The following ANO3 variants were observed in gnomAD, a reference collection of about 807,000 sequenced individuals.
ANO3 encodes anoctamin-3.
A neutral mutation model predicts 144.8 loss-of-function variants in ANO3; 99 were observed. The ratio of observed to expected loss-of-function variants is 0.68; its 90% CI spans 0.58 to 0.81. ANO3 has a LOEUF of 0.81. ANO3 is among the 30% of genes least tolerant of loss of function. The pLI, the probability that ANO3 is intolerant of heterozygous loss-of-function variation, is 0.00. For missense variants in ANO3, 905 were observed against 1,202.2 expected, an observed-to-expected ratio of 0.75 and a Z score of 3.66; for synonymous variants, 414 against 392.6, an observed-to-expected ratio of 1.05 and a Z score of -0.64.
chr11:26,554,913 G>C (rs1565100419), intron 13 of ANO3, among the ~76,000 whole-genome samples: 2 of 151,980 alleles, frequency 1.3e-5, no homozygotes, highest in South Asian at 4.2e-4. Context: ...TACATTTTGT[G>C]CATTTTGGGG....
intron 1 of ANO3, among the ~76,000 whole-genome samples, chr11:26,258,348 T>C (rs1281224347): frequency 6.6e-6 from 1 of 152,202 alleles, no homozygotes; most frequent in East Asian, 1.9e-4. Flanking sequence ...TAAGCAGTTA[T>C]ATTAGTCAAC....
chr11:26,565,514 G>A, intron 14 of ANO3: 2 of 1,613,336 alleles, frequency 1.2e-6, no homozygotes, highest in South Asian at 2.2e-5. Context: ...TAGAAACAAA[G>A]CTATGGATCA....
chr11:26,192,240 G>A (rs185518110), intron 1 of ANO3, among the ~76,000 whole-genome samples: 41 of 152,164 alleles, frequency 2.7e-4, no homozygotes, highest in African/African-American at 9.4e-4. Context: ...TGTATGCTAG[G>A]AATTTTTACC....
intron 1 of ANO3, among the ~76,000 whole-genome samples, chr11:26,358,568 TTACA>T (rs1483826901): frequency 6.6e-6 from 1 of 152,202 alleles, no homozygotes; most frequent in Non-Finnish European, 1.5e-5. Context: ...TTTTTTTTAC[TTACA>T]ATTATATTTT....
chr11:26,202,248 T>C (rs1851708942), intron 1 of ANO3, among the ~76,000 whole-genome samples: 1 of 145,980 alleles, frequency 6.9e-6, no homozygotes, highest in African/African-American at 2.5e-5. Context: ...TAAATATATA[T>C]TATATTATAT....
At chr11:26,577,524 A>G (rs542622818) in intron 14 of ANO3, among the ~76,000 whole-genome samples, 2 of 150,200 alleles carry the variant, frequency 1.3e-5, no homozygotes, top group South Asian at 4.2e-4. Context: ...AGATTGCGCC[A>G]TTACACTCCA....
intron 14 of ANO3, among the ~76,000 whole-genome samples, chr11:26,591,119 C>G (rs7940520): frequency 1.2e-4 from 18 of 152,064 alleles, no homozygotes; most frequent in African/African-American, 4.1e-4. Flanking sequence ...TTACAAGCCC[C>G]GTGTTTAAAG....
chr11:26,499,679 A>T lies in ANO3; in HGVS notation c.433-8425A>T, dbSNP rs148999935. ...TTATGTTGCCTATTCCTGCATGAAT[A>T]CCATATGTCCTGTTTAAGAAATATT... On this transcript the variant is annotated intron_variant, in intron 4 of 26. Transcript: ENST00000256737. Among the ~76,000 whole-genome samples the T allele has an allele frequency of 3.4e-3, 516 of 151,902 alleles. 3 individuals are homozygous for T. Among genetic ancestry groups the T allele is most frequent in the African/African-American group, 0.012 (493 of 41,524 alleles).
chr11:26,341,532 A>C (rs539037789), intron 1 of ANO3, among the ~76,000 whole-genome samples: 2 of 152,318 alleles, frequency 1.3e-5, no homozygotes, highest in African/African-American at 4.8e-5. Context: ...CATTTAATAA[A>C]AAGGAGAAAT....
chr11:26,306,845 C>A (rs1296000618), upstream of ANO3, among the ~76,000 whole-genome samples: 3 of 150,990 alleles, frequency 2.0e-5, no homozygotes, highest in African/African-American at 7.4e-5. Flanking sequence ...CTCCTTCTAT[C>A]TCTGTCTCTA....
intron 1 of ANO3, among the ~76,000 whole-genome samples, chr11:26,189,772 A>G (rs1361138047): frequency 1.3e-5 from 2 of 152,198 alleles, no homozygotes; most frequent in Non-Finnish European, 2.9e-5. Flanking sequence ...TGTTCTCATT[A>G]AGAACAAGAG....
At chr11:26,227,577 G>T (rs1221743001) in intron 1 of ANO3, among the ~76,000 whole-genome samples, 1 of 152,062 alleles carries the variant, frequency 6.6e-6, no homozygotes, top group African/African-American at 2.4e-5. Flanking sequence ...GTTGATATTG[G>T]GAAATCTCTT....
chr11:26,574,455 T>C (rs1030750519), intron 14 of ANO3, among the ~76,000 whole-genome samples: 3 of 152,166 alleles, frequency 2.0e-5, no homozygotes, highest in Non-Finnish European at 2.9e-5. Context: ...GATTCACTGA[T>C]AGCATATTTA....
rs117682795 is a variant in ANO3 at position 26,289,580 on chromosome 11, C to A, written c.155-20065C>A. 2.1e-4 allele frequency among the ~76,000 whole-genome samples: 19 copies of A among 89,420 alleles called. 1 individual carries two copies. The highest frequency in any genetic ancestry group is 3.5e-4 in the Non-Finnish European group (17 of 48,378). 58.7% of individuals were successfully genotyped at this position (89,420 alleles called of 152,430 possible). ...TGTATATGTACATATACACATATAT[C>A]CTATATGTGTGTATATGTACATATA... On this transcript the variant is annotated intron_variant, in intron 1 of 27. Transcript: ENST00000672621.
upstream of ANO3, among the ~76,000 whole-genome samples, chr11:26,308,651 A>G (rs920115927): frequency 6.6e-6 from 1 of 152,236 alleles, no homozygotes; most frequent in Non-Finnish European, 1.5e-5. Context: ...ACCTTGTTAA[A>G]TACAAGGTAC....
At chr11:26,648,034 A>G (rs940579661) in intron 24 of ANO3, among the ~76,000 whole-genome samples, 178 bp downstream of exon 24, 1 of 152,164 alleles carries the variant, frequency 6.6e-6, no homozygotes, top group African/African-American at 2.4e-5. Flanking sequence ...TATTATAGCA[A>G]ATAATCTTAG....
chr11:26,441,033 A>G (rs1030507532), intron 1 of ANO3, among the ~76,000 whole-genome samples: 3 of 146,822 alleles, frequency 2.0e-5, no homozygotes, highest in Non-Finnish European at 3.0e-5. Flanking sequence ...CTGGCAGATG[A>G]GACTCTGTGC....
At chr11:26,377,254 A>C (rs1856439079) in intron 1 of ANO3, among the ~76,000 whole-genome samples, 2 of 152,328 alleles carry the variant, frequency 1.3e-5, no homozygotes, top group South Asian at 4.1e-4. Context: ...TGCATTGGCA[A>C]AACTAAAAGT....
chr11:26,553,214 G>GTTTTTTTTTT, intron 12 of ANO3, 35 bp from the exon 13 acceptor site: 1 of 1,208,700 alleles, frequency 8.3e-7, no homozygotes, highest in Non-Finnish European at 1.2e-6. Context: ...TTCATGCTAT[G>GTTTTTTTTTT]TTTTGTTTTG....
Sources: gnomAD v4.1 joint callset for allele counts (sites outside exome capture counted in the v4.1 genomes callset) on GRCh38, gnomAD v4.1.1 for gene constraint, MANE v1.5 for transcripts, NCBI Gene and HGNC (gene_info 2026-07-23, HGNC 2026-07-21) for gene names.